SKAP1: variants seen among roughly 807,000 people sequenced by gnomAD.
SKAP1 encodes src kinase associated phosphoprotein 1.
In SKAP1, 44 loss-of-function variants were observed where a neutral mutation model predicts 58.5. That is an observed-to-expected ratio of 0.75 (90% CI 0.59 to 0.97). SKAP1 has a LOEUF of 0.97. SKAP1 is among the 50% of genes least tolerant of loss of function. SKAP1 has a pLI of 0.00. For synonymous variants in SKAP1, 127 were observed against 149.7 expected, an observed-to-expected ratio of 0.85 and a Z score of 1.11; for missense variants, 390 against 435.2, an observed-to-expected ratio of 0.90 and a Z score of 0.92.
chr17:48,195,445 G>T (rs1368408671), intron 4 of SKAP1, among the ~76,000 whole-genome samples: 1 of 152,058 alleles, frequency 6.6e-6, no homozygotes. Flanking sequence ...TTCTTGCATT[G>T]TGCTTCACTT....
At chr17:48,350,504 G>A (rs901733446) in intron 3 of SKAP1, among the ~76,000 whole-genome samples, 1 of 152,136 alleles carries the variant, frequency 6.6e-6, no homozygotes, top group African/African-American at 2.4e-5. Context: ...AGACCAGCCT[G>A]ACCAACATGG....
chr17:48,198,720 A>G (rs1358596977), intron 4 of SKAP1, among the ~76,000 whole-genome samples: 2 of 152,144 alleles, frequency 1.3e-5, no homozygotes, highest in African/African-American at 4.8e-5. Context: ...TGGTGGGTTA[A>G]GCATATGTGT....
At chr17:48,206,772 G>T (rs1371700661) in intron 4 of SKAP1, among the ~76,000 whole-genome samples, 3 of 152,066 alleles carry the variant, frequency 2.0e-5, no homozygotes, top group Non-Finnish European at 4.4e-5. Flanking sequence ...ATGGAAAGGG[G>T]TTGCCTCTGG....
At chr17:48,344,959 A>G (rs573793839) in intron 4 of SKAP1, among the ~76,000 whole-genome samples, 3 of 152,376 alleles carry the variant, frequency 2.0e-5, no homozygotes, top group Non-Finnish European at 4.4e-5. Flanking sequence ...AAGAAAAGTA[A>G]GGAATAATTT....
At chr17:48,134,863 C>G (rs566239691) in intron 12 of SKAP1, among the ~76,000 whole-genome samples, 1 of 152,026 alleles carries the variant, frequency 6.6e-6, no homozygotes, top group Non-Finnish European at 1.5e-5. Flanking sequence ...GCCACCATGC[C>G]TGGCTAATTT....
intron 4 of SKAP1, among the ~76,000 whole-genome samples, chr17:48,282,002 A>C (rs2065772230): frequency 6.6e-6 from 1 of 152,210 alleles, no homozygotes; most frequent in African/African-American, 2.4e-5. Context: ...TAAAAAAATC[A>C]CACAAGCATT....
At chr17:48,438,205 G>A in the SKAP1 span, among the ~76,000 whole-genome samples, 7 of 152,078 alleles carry the variant, frequency 4.6e-5, no homozygotes, top group South Asian at 2.1e-4. Context: ...AATTTCCTCC[G>A]CTGTAAAATG....
chr17:48,384,811 G>A (rs1466695821), intron 2 of SKAP1, among the ~76,000 whole-genome samples: 1 of 152,188 alleles, frequency 6.6e-6, no homozygotes, highest in African/African-American at 2.4e-5. Flanking sequence ...CCCAGAAGGA[G>A]GTATGCAATA....
the SKAP1 span, among the ~76,000 whole-genome samples, chr17:48,439,990 T>C: frequency 6.6e-6 from 1 of 152,190 alleles, no homozygotes; most frequent in Admixed American, 6.5e-5. Context: ...CTTTTCTTCA[T>C]CTCTTCCCCT....
At chr17:48,291,596 C>T (rs1046039835) in intron 4 of SKAP1, among the ~76,000 whole-genome samples, 3 of 152,160 alleles carry the variant, frequency 2.0e-5, no homozygotes, top group African/African-American at 7.2e-5. Flanking sequence ...TTGAGGTGCT[C>T]AATGGCTGTT....
At chr17:48,306,145 A>G (rs1441150735) in intron 4 of SKAP1, among the ~76,000 whole-genome samples, 1 of 152,230 alleles carries the variant, frequency 6.6e-6, no homozygotes, top group Non-Finnish European at 1.5e-5. Flanking sequence ...TTGTTGCTGC[A>G]AAACCTTCAG....
chr17:48,265,083 T>G (rs1401926697), intron 4 of SKAP1, among the ~76,000 whole-genome samples: 2 of 152,230 alleles, frequency 1.3e-5, no homozygotes, highest in East Asian at 3.8e-4. Context: ...ACACTTTTTA[T>G]AGGATTTGTC....
chr17:48,326,071 G>A (rs1201920361), intron 4 of SKAP1, among the ~76,000 whole-genome samples: 2 of 152,168 alleles, frequency 1.3e-5, no homozygotes, highest in Non-Finnish European at 2.9e-5. Flanking sequence ...TTATAACCAA[G>A]TAGAATATAG....
At chr17:48,172,721 A>C (rs1244142013) in intron 9 of SKAP1, among the ~76,000 whole-genome samples, 1 of 152,094 alleles carries the variant, frequency 6.6e-6, no homozygotes, top group Non-Finnish European at 1.5e-5. Context: ...AAACTTTGAC[A>C]TTTCTCTTTC....
At chr17:48,224,305 A>T (rs1194760334) in intron 4 of SKAP1, among the ~76,000 whole-genome samples, 1 of 152,226 alleles carries the variant, frequency 6.6e-6, no homozygotes, top group Non-Finnish European at 1.5e-5. Flanking sequence ...TTCAAAGGTC[A>T]GGCTGACAAG....
intron 4 of SKAP1, among the ~76,000 whole-genome samples, chr17:48,225,421 A>G (rs1339323572): frequency 3.3e-5 from 5 of 152,212 alleles, no homozygotes; most frequent in Non-Finnish European, 7.3e-5. Flanking sequence ...TCTGAAATCA[A>G]GATGATAAAA....
chr17:48,170,732 T>G, intron 9 of SKAP1, 73 bp from the exon 10 acceptor site: 20 of 1,276,804 alleles, frequency 1.6e-5, no homozygotes, highest in Non-Finnish European at 2.1e-5. Flanking sequence ...TTTTTCGAGA[T>G]AGAGTCTTGC....
At chr17:48,184,492 G>A (rs761093879) in intron 7 of SKAP1, among the ~76,000 whole-genome samples, 4 of 152,188 alleles carry the variant, frequency 2.6e-5, no homozygotes, top group Non-Finnish European at 5.9e-5. Flanking sequence ...AGAAGGGGAG[G>A]AATGAAGGAT....
At chr17:48,325,532 G>T (rs533360601) in intron 4 of SKAP1, among the ~76,000 whole-genome samples, 1 of 152,242 alleles carries the variant, frequency 6.6e-6, no homozygotes, top group Admixed American at 6.5e-5. Context: ...ACACACAACA[G>T]GCACAATAAA....
Sources: allele counts gnomAD v4.1 joint callset (sites outside exome capture counted in the v4.1 genomes callset), GRCh38; gene constraint gnomAD v4.1.1; transcripts MANE v1.5; gene names NCBI Gene and HGNC (gene_info 2026-07-23, HGNC 2026-07-21).